Variants in MEGF6 observed in about 807,000 individuals in gnomAD.
MEGF6 encodes multiple EGF like domains 6, also known as multiple epidermal growth factor-like domains protein 6.
MEGF6 carries 184 observed loss-of-function variants against 207.1 expected under a neutral mutation model. The observed-to-expected ratio is 0.89, with a 90% CI of 0.79 to 1.00. MEGF6 has a LOEUF of 1.00. MEGF6 is among the 50% of genes least tolerant of loss of function. MEGF6 has a pLI of 0.00. For missense variants in MEGF6, 2,282 were observed against 2,202.9 expected (o/e 1.04, Z -0.72); for synonymous variants, 1,038 against 910.0 (o/e 1.14, Z -2.53).
intron 21 of MEGF6, 97 bp downstream of exon 21, chr1:3,500,532 AGGAG>A: frequency 7.0e-7 from 1 of 1,432,340 alleles, no homozygotes; most frequent in Non-Finnish European, 9.2e-7. Context: ...GTGTGCGTGC[AGGAG>A]GGAGTACGGT....
chr1:3,497,242 A>G lies in MEGF6; in HGVS notation c.3472T>C (p.Cys1158Arg). 6.5e-7 allele frequency: 1 copy of G among 1,530,276 alleles called. No individual in the cohort carries two copies. The highest frequency in any genetic ancestry group is 8.8e-7 in the Non-Finnish European group (1 of 1,141,242). The allele number at this position is 1,530,276 out of a possible 1,614,324, so 94.8% of individuals were successfully genotyped here. Residue 1158 changes from cysteine (C) to arginine (R), a missense_variant, in exon 27 of 37, where the codon TGC becomes CGC. By Grantham distance (180) the Cys-to-Arg change is radical (BLOSUM62 -3). Transcript: ENST00000356575. ...RCPPGFTGSGCEQACPPGSFG... is the reference protein window; with the variant it reads ...RCPPGFTGSGREQACPPGSFG... ...GCTTGGGAGCACCTACCCTGCTCGC[A>G]GCCGGAGCCAGTGAAGCCAGGGGGA...
chr1:3,587,375 C>T (rs1169836590), intron 3 of MEGF6, among the ~76,000 whole-genome samples: 1 of 152,262 alleles, frequency 6.6e-6, no homozygotes, highest in Non-Finnish European at 1.5e-5. Context: ...TGCTTTTTGT[C>T]TTTGTTTGTC....
At chr1:3,555,118 C>T (rs1176018243) in intron 4 of MEGF6, among the ~76,000 whole-genome samples, 5 of 152,210 alleles carry the variant, frequency 3.3e-5, no homozygotes, top group Non-Finnish European at 1.5e-5. Context: ...ACACCCCACG[C>T]ACGGGGCCTG....
intron 4 of MEGF6, among the ~76,000 whole-genome samples, chr1:3,538,012 C>G (rs1466436471): frequency 6.6e-6 from 1 of 152,176 alleles, no homozygotes; most frequent in African/African-American, 2.4e-5. Context: ...CCACTGCAGA[C>G]AGCATGGCCC....
chr1:3,605,546 A>G (rs970807110), intron 1 of MEGF6, among the ~76,000 whole-genome samples: 1 of 25,844 alleles, frequency 3.9e-5, no homozygotes, highest in Admixed American at 7.9e-4. Context: ...AATCACACAT[A>G]TTCTCATACA....
At chr1:3,505,746 G>A (rs544176425) in intron 15 of MEGF6, among the ~76,000 whole-genome samples, 190 bp from the exon 16 acceptor site, 4 of 152,326 alleles carry the variant, frequency 2.6e-5, no homozygotes, top group African/African-American at 9.6e-5. Flanking sequence ...GACCCCACCA[G>A]GGACTCAGAG....
At chr1:3,615,556 A>G (rs74048681), upstream of MEGF6, among the ~76,000 whole-genome samples, 641 of 152,358 alleles carry the variant, frequency 4.2e-3, 5 homozygotes, top group African/African-American at 0.015. Context: ...CCACTTAGGA[A>G]GTACAGACCC....
At chr1:3,508,478 A>T in intron 13 of MEGF6, 80 bp downstream of exon 13, 1 of 1,522,064 alleles carries the variant, frequency 6.6e-7, no homozygotes, top group Non-Finnish European at 8.9e-7. Context: ...AGTAAAACTG[A>T]ATGGGCTCAA....
At chr1:3,532,952 T>C (rs1353454879) in intron 4 of MEGF6, among the ~76,000 whole-genome samples, 1 of 152,196 alleles carries the variant, frequency 6.6e-6, no homozygotes, top group Non-Finnish European at 1.5e-5. Context: ...ACTAAGATGC[T>C]GTCCTCAGGT....
rs570836882 is a variant in MEGF6 at position 3,521,958 on chromosome 1, TC to T, written c.604+2165del. 3.9e-5 allele frequency among the ~76,000 whole-genome samples: 6 copies of T among 152,114 alleles called. 1 individual carries two copies. Among genetic ancestry groups the T allele is most frequent in the Non-Finnish European group, 7.4e-5 (5 of 68,014 alleles). On this transcript the variant is annotated intron_variant, in intron 5 of 36. Coordinates refer to ENST00000356575, the MANE Select transcript of MEGF6 (RefSeq NM_001409.4). ...GGTCGCCAGGCCACCACCAGGGACTTCAGGGAGAGGAAGGCATTTCTCCAAC... is the reference window on the plus strand; with the variant it reads ...GGTCGCCAGGCCACCACCAGGGACTTAGGGAGAGGAAGGCATTTCTCCAAC...
rs1211254848 is a variant in MEGF6, at chr1:3,498,388, C to T, written c.3335G>A (p.Gly1112Glu). 6.2e-7 allele frequency: 1 copy of T among 1,601,806 alleles called. No homozygotes were observed. The highest frequency in any genetic ancestry group is 1.3e-5 in the African/African-American group (1 of 74,940). ...CCACTCACGGCTCTGACACTTGTCC[C>T]CAGTCCAGCCGGCTGGGCAGAGGCA... ...GRCLCPAGWT[G>E]DKCQSPCLRG... Residue 1112 changes from glycine (G) to glutamate (E), a missense_variant, in exon 26 of 37, where the codon GGG becomes GAG. Coordinates refer to ENST00000356575, the MANE Select transcript of MEGF6 (RefSeq NM_001409.4).
At chr1:3,513,577 CTTTT>C (rs757815891) in intron 7 of MEGF6, among the ~76,000 whole-genome samples, 4 of 56,566 alleles carry the variant, frequency 7.1e-5, no homozygotes, top group East Asian at 6.3e-4. Context: ...CACACCTGGG[CTTTT>C]TTTTTTTTTT....
At chr1:3,610,222 C>A (rs1644306181) in intron 1 of MEGF6, among the ~76,000 whole-genome samples, 1 of 152,228 alleles carries the variant, frequency 6.6e-6, no homozygotes, top group Non-Finnish European at 1.5e-5. Flanking sequence ...CTCCTCTTCA[C>A]CAGCTCGACG....
upstream of MEGF6, among the ~76,000 whole-genome samples, chr1:3,614,912 T>A (rs1644365586): frequency 6.6e-6 from 1 of 152,214 alleles, no homozygotes; most frequent in African/African-American, 2.4e-5. Context: ...CTCTGGGTAT[T>A]TCCACTGGGT....
Position 3,489,757 on chromosome 1 carries a change from G to A in MEGF6, c.*771C>T, listed in dbSNP as rs1640276978. On this transcript the variant is annotated 3_prime_UTR_variant, in exon 37 of 37. Coordinates refer to ENST00000356575, the MANE Select transcript of MEGF6 (RefSeq NM_001409.4). ...CCCAGCGTTCTCCTCAATAGCACTG[G>A]GAACTGAGATGAGTCCCAACTTCTT... Among the ~76,000 whole-genome samples the A allele has an allele frequency of 6.6e-6, 1 of 152,200 alleles. No homozygotes were observed. Among genetic ancestry groups the A allele is most frequent in the Admixed American group, 6.5e-5 (1 of 15,280 alleles).
upstream of MEGF6, among the ~76,000 whole-genome samples, chr1:3,615,676 AGAGG>A (rs1338597256): frequency 6.6e-6 from 1 of 152,242 alleles, no homozygotes; most frequent in Non-Finnish European, 1.5e-5. Flanking sequence ...CGGGCCTGCA[AGAGG>A]GCCCTGAGCC....
In MEGF6 at chr1:3,514,479, C is replaced by A. The variant is rs896178327; in HGVS notation, c.853+71G>T. ...GAGGCCACGGCCCCAGAGTTAGACA[C>A]GGGTCCCTCCACAGCACCTGGGTGC... On this transcript the variant is annotated intron_variant, in intron 7 of 36. Transcript: ENST00000356575. 6 of 1,493,766 alleles carry A rather than the reference C, an allele frequency of 4.0e-6. No individual in the cohort carries two copies. The African/African-American group carries it at 6.9e-5, about 17-fold the overall frequency. 92.5% of individuals were successfully genotyped at this position (1,493,766 alleles called of 1,614,324 possible).
In MEGF6 at chr1:3,490,439, G is replaced by T; in HGVS notation, c.*89C>A. 2.1e-6 allele frequency: 3 copies of T among 1,415,560 alleles called. No homozygotes were observed. The highest frequency in any genetic ancestry group is 2.9e-6 in the Non-Finnish European group (3 of 1,019,054). 87.7% of individuals were successfully genotyped at this position (1,415,560 alleles called of 1,614,324 possible). Reference sequence around the variant, plus strand: ...GGAAGGGCAGTACCAGGAGCTCTGGGCCCGTGAAGTGTCCTTCTCAGTGGT... The same window carrying T: ...GGAAGGGCAGTACCAGGAGCTCTGGTCCCGTGAAGTGTCCTTCTCAGTGGT... On this transcript the variant is annotated 3_prime_UTR_variant, in exon 37 of 37. Transcript: ENST00000356575.
chr1:3,497,683 G>T, intron 26 of MEGF6: 1 of 515,238 alleles, frequency 1.9e-6, no homozygotes, highest in Admixed American at 2.7e-5. Flanking sequence ...CCCATGGAAG[G>T]CGAAGGAGCC....
Sources: allele counts gnomAD v4.1 joint callset (sites outside exome capture counted in the v4.1 genomes callset), GRCh38; gene constraint gnomAD v4.1.1; transcripts MANE v1.5; gene names NCBI Gene and HGNC (gene_info 2026-07-23, HGNC 2026-07-21).